Variants in CTNNA2 observed in about 807,000 individuals in gnomAD.
CTNNA2 encodes catenin alpha 2.
In CTNNA2, 42 loss-of-function variants were observed where a neutral mutation model predicts 101.0. The observed-to-expected ratio is 0.42, with a 90% CI of 0.32 to 0.54. CTNNA2 has a LOEUF of 0.54. CTNNA2 is among the 20% of genes least tolerant of loss of function. CTNNA2 has a pLI of 0.14. For synonymous variants in CTNNA2, 450 were observed against 456.4 expected, an observed-to-expected ratio of 0.99 and a Z score of 0.18; for missense variants, 871 against 1,223.1, an observed-to-expected ratio of 0.71 and a Z score of 4.29.
intron 7 of CTNNA2, among the ~76,000 whole-genome samples, chr2:80,266,753 T>C (rs1216863707): frequency 6.6e-6 from 1 of 152,148 alleles, no homozygotes; most frequent in Non-Finnish European, 1.5e-5. Flanking sequence ...GACTGCAAAG[T>C]ATACCGAGGG....
intron 3 of CTNNA2, among the ~76,000 whole-genome samples, chr2:79,846,771 T>A (rs964502458): frequency 6.6e-6 from 1 of 151,734 alleles, no homozygotes; most frequent in Non-Finnish European, 1.5e-5. Context: ...ATTCAGACAT[T>A]GAGTTCCACC....
chr2:80,483,535 G>T (rs1332392548), intron 9 of CTNNA2, among the ~76,000 whole-genome samples: 4 of 152,004 alleles, frequency 2.6e-5, no homozygotes, highest in Non-Finnish European at 5.9e-5. Context: ...ACTGTGTTGG[G>T]CATTGAAATG....
chr2:80,462,379 GTCTC>G (rs1684497890), intron 9 of CTNNA2, among the ~76,000 whole-genome samples: 1 of 152,150 alleles, frequency 6.6e-6, no homozygotes, highest in African/African-American at 2.4e-5. Context: ...AGCAAATAGA[GTCTC>G]TATCTAGGGT....
chr2:79,963,415 C>T (rs1689803108), intron 7 of CTNNA2, among the ~76,000 whole-genome samples: 1 of 152,110 alleles, frequency 6.6e-6, no homozygotes, highest in Admixed American at 6.5e-5. Flanking sequence ...TAGACAAATA[C>T]GATGTATACA....
intron 2 of CTNNA2, among the ~76,000 whole-genome samples, chr2:79,257,213 G>A (rs1573001897): frequency 6.6e-6 from 1 of 152,020 alleles, no homozygotes; most frequent in Non-Finnish European, 1.5e-5. Flanking sequence ...ACCAAAAATA[G>A]CATGCTGAAG....
chr2:79,397,341 C>T (rs886903233), intron 4 of CTNNA2, among the ~76,000 whole-genome samples: 1 of 151,974 alleles, frequency 6.6e-6, no homozygotes, highest in African/African-American at 2.4e-5. Flanking sequence ...TATTTTGGTA[C>T]CCCTTAATCA....
intron 4 of CTNNA2, among the ~76,000 whole-genome samples, chr2:79,390,912 A>G (rs1004586322): frequency 6.6e-6 from 1 of 152,148 alleles, no homozygotes; most frequent in Admixed American, 6.5e-5. Flanking sequence ...TGTGTGATTG[A>G]TGCATTGATT....
At chr2:79,677,502 AAC>A (rs1573648592) in intron 2 of CTNNA2, among the ~76,000 whole-genome samples, 2 of 152,262 alleles carry the variant, frequency 1.3e-5, no homozygotes, top group African/African-American at 4.8e-5. Flanking sequence ...CGTAATAGGA[AAC>A]ACACACACAC....
At chr2:79,744,623 G>A (rs2104992204) in intron 3 of CTNNA2, 41 bp downstream of exon 3, 1 of 1,524,554 alleles carries the variant, frequency 6.6e-7, no homozygotes, top group Middle Eastern at 1.8e-4. Context: ...GATCTATACT[G>A]ATGTGCAAAC....
chr2:79,559,933 T>C (rs1674673700), intron 1 of CTNNA2, among the ~76,000 whole-genome samples: 1 of 149,802 alleles, frequency 6.7e-6, no homozygotes, highest in Admixed American at 6.7e-5. Flanking sequence ...ACACCCGATT[T>C]ACAGAAAAAA....
At chr2:79,399,124 A>C (rs1678263236) in intron 4 of CTNNA2, among the ~76,000 whole-genome samples, 1 of 152,174 alleles carries the variant, frequency 6.6e-6, no homozygotes, top group Non-Finnish European at 1.5e-5. Flanking sequence ...GCAAACAGCC[A>C]TACTAGAAGG....
chr2:79,912,459 C>A (rs545685080), intron 7 of CTNNA2, among the ~76,000 whole-genome samples: 1 of 152,128 alleles, frequency 6.6e-6, no homozygotes, highest in East Asian at 1.9e-4. Flanking sequence ...ACTTAATGAA[C>A]GTGGGTGTGC....
intron 7 of CTNNA2, chr2:80,378,566 A>T (rs1241706585): frequency 6.6e-6 from 1 of 152,066 alleles, no homozygotes; most frequent in Non-Finnish European, 1.5e-5. Flanking sequence ...ATGCATCATC[A>T]GCAGTTTAGG....
intron 4 of CTNNA2, among the ~76,000 whole-genome samples, chr2:79,860,644 A>G (rs995760330): frequency 6.6e-6 from 1 of 150,728 alleles, no homozygotes; most frequent in Non-Finnish European, 1.5e-5. Context: ...AGTAAAATTA[A>G]AAATGATTGT....
At chr2:79,438,751 G>C (rs1678746385) in intron 4 of CTNNA2, among the ~76,000 whole-genome samples, 1 of 152,202 alleles carries the variant, frequency 6.6e-6, no homozygotes, top group South Asian at 2.1e-4. Flanking sequence ...GCATGAGAAT[G>C]ACTTGGCATT....
chr2:80,092,445 C>G lies in CTNNA2; in HGVS notation c.1056+182648C>G, dbSNP rs113206250. ...CTTGAAGCTTTCCCATGTTCTCAAG[C>G]TTTCCCTTGAGAATGCGGTTTAAGA... is the stretch of plus-strand genomic sequence containing the variant. On this transcript the variant is annotated intron_variant, in intron 7 of 18. Transcript: ENST00000402739. Among the ~76,000 whole-genome samples, 1,437 of 152,228 alleles carry G rather than the reference C, an allele frequency of 9.4e-3. 22 individuals carry two copies. The highest frequency in any genetic ancestry group is 0.033 in the African/African-American group (1,375 of 41,542).
chr2:79,237,716 T>A (rs976205931), intron 2 of CTNNA2, among the ~76,000 whole-genome samples: 1 of 152,228 alleles, frequency 6.6e-6, no homozygotes, highest in African/African-American at 2.4e-5. Flanking sequence ...ACCTTGTACT[T>A]TTTTGTTATG....
At chr2:79,246,783 A>G (rs1017193291) in intron 2 of CTNNA2, among the ~76,000 whole-genome samples, 2 of 152,262 alleles carry the variant, frequency 1.3e-5, no homozygotes, top group Non-Finnish European at 2.9e-5. Context: ...TGAGCCCATG[A>G]GCTTGAAAGA....
chr2:80,580,434 C>T (rs1695427996), intron 13 of CTNNA2, among the ~76,000 whole-genome samples: 1 of 152,102 alleles, frequency 6.6e-6, no homozygotes. Flanking sequence ...GAATAAACTA[C>T]AACAAAAACT....
Sources: gnomAD v4.1 joint callset for allele counts (sites outside exome capture counted in the v4.1 genomes callset) on GRCh38, gnomAD v4.1.1 for gene constraint, MANE v1.5 for transcripts, NCBI Gene and HGNC (gene_info 2026-07-23, HGNC 2026-07-21) for gene names.